The following NOTCH3 variants were observed in gnomAD, a reference collection of about 807,000 sequenced individuals.
NOTCH3 encodes notch receptor 3, also known as neurogenic locus notch homolog protein 3.
In NOTCH3, 86 loss-of-function variants were observed where a neutral mutation model predicts 213.3. That is an observed-to-expected ratio of 0.40 (90% CI 0.34 to 0.48). The LOEUF (loss-of-function observed/expected upper bound fraction) is 0.48, where lower values mean the gene tolerates loss of function less well. Among genes scored for constraint, NOTCH3 ranks in the 20% least tolerant of loss-of-function variants. The pLI, the probability that NOTCH3 is intolerant of heterozygous loss-of-function variation, is 0.57. For synonymous variants in NOTCH3, 1,354 were observed against 1,355.9 expected (o/e 1.00, Z 0.03); for missense variants, 2,783 against 3,272.6 (o/e 0.85, Z 3.65).
chr19:15,185,477 G>C lies in NOTCH3; in HGVS notation c.2144+10C>G. The C allele has an allele frequency of 6.2e-7, 1 of 1,613,000 alleles. No homozygotes were observed. On this transcript the variant is annotated intron_variant, in intron 13 of 32. Transcript: ENST00000263388. The surrounding 1 kb of genome is among the most constrained non-coding windows in gnomAD (Gnocchi z 4.2). The stretch of plus-strand genomic sequence containing the variant: ...AGGGGGCAGTGTCTGAGGCTGAGAA[G>C]GGCCCTCACCCGCCAGGTGCATCAT...
In NOTCH3 at chr19:15,189,283, C is replaced by A. The variant is rs765827443; in HGVS notation, c.1182G>T (p.Glu394Asp). The A allele has an allele frequency of 3.7e-6, 6 of 1,613,980 alleles. No homozygotes were observed. The highest frequency in any genetic ancestry group is 5.1e-6 in the Non-Finnish European group (6 of 1,180,042). ...TGGAGCTCCCCTCACCGATAGAGCA[C>A]TCGTCCACATCCTGGTCACATGCCC... ...TGGACDQDVD[E>D]CSIGANPCEH... The change falls in exon 7 of 33, where the codon GAG becomes GAT. Residue 394 changes from glutamate to aspartate, a missense_variant. Physicochemically the swap from Glu to Asp is conservative, Grantham distance 45 (BLOSUM62 2). Around this residue, in one of 6 missense-constraint regions of NOTCH3, gnomAD observed 708 missense variants for 906.6 expected, o/e 0.78. Transcript: ENST00000263388.
Position 15,187,904 on chromosome 19 carries a change from C to G in NOTCH3, c.1583G>C (p.Gly528Ala). ...ACCCTCGGCACAGCGGCACTCGTAG[C>G]CATCGGGCTGGTCCACGCATTTGGC... ...NGAKCVDQPD[G>A]YECRCAEGFE... Residue 528 changes from glycine to alanine, a missense_variant, in exon 10 of 33, where the codon GGC becomes GCC. This residue lies in a region of NOTCH3 where 708 missense variants were observed against 906.6 expected (regional missense o/e 0.78). Transcript: ENST00000263388. 2 of 1,549,594 alleles carry G rather than the reference C, an allele frequency of 1.3e-6. No homozygotes were observed. Among genetic ancestry groups the G allele is most frequent in the South Asian group, 1.2e-5 (1 of 83,994 alleles).
At chr19:15,173,724 CAAAAA>C (rs1212635746) in intron 25 of NOTCH3, among the ~76,000 whole-genome samples, 23,627 of 131,040 alleles carry the variant, frequency 0.18, 3,564 homozygotes, top group African/African-American at 0.44. Context: ...GACTCCGTCT[CAAAAA>C]AAAAAAAAAA....
At position 15,178,944 on chromosome 19, in the gene NOTCH3, G is replaced by T; in HGVS notation, c.3719-3C>A. 1 of 1,614,008 alleles carries T rather than the reference G, an allele frequency of 6.2e-7. No individual in the cohort carries two copies. Among genetic ancestry groups the T allele is most frequent in the South Asian group, 1.1e-5 (1 of 91,084 alleles). On this transcript the variant is annotated splice_region_variant and splice_polypyrimidine_tract_variant and intron_variant, in intron 22 of 32. Coordinates refer to ENST00000263388, the MANE Select transcript of NOTCH3 (RefSeq NM_000435.3). ...CAGGACAGTCTGACAGCGAGGACCT[G>T]AGCGAGCGGGAGCATGTAGATCAGC... is the stretch of plus-strand genomic sequence containing the variant.
In NOTCH3 at chr19:15,165,077, T is replaced by G. The variant is rs2046674517; in HGVS notation, c.5815+291A>C. Among the ~76,000 whole-genome samples the G allele has an allele frequency of 6.6e-6, 1 of 152,176 alleles. No homozygotes were observed. The highest frequency in any genetic ancestry group is 6.5e-5 in the Admixed American group (1 of 15,284). On this transcript the variant is annotated intron_variant, in intron 31 of 32. Coordinates refer to ENST00000263388, the MANE Select transcript of NOTCH3 (RefSeq NM_000435.3). This position sits in a 1 kb window ranked among gnomAD's most constrained non-coding sequence, Gnocchi z 4.7. ...CAGGCATGAGCCACCACACATGGCC[T>G]GATGTGTACGTTTATTATAATAACT...
chr19:15,187,169 G>A lies in NOTCH3; in HGVS notation c.1776C>T (p.Arg592=). The change falls in exon 11 of 33, where the codon CGC becomes CGT. Residue 592 remains arginine (R), a synonymous_variant. Transcript: ENST00000263388. ...CCAGGTCTAGGCATTTGCCGCCATG[G>A]CGGCAGGGCTGGCTGCGGCATTCGT... ...QVDECRSQPC[R]HGGKCLDLVD... is the part of the protein sequence containing the mutation. 1 of 1,614,118 alleles carries A rather than the reference G, an allele frequency of 6.2e-7. No individual in the cohort carries two copies. Among genetic ancestry groups the A allele is most frequent in the Non-Finnish European group, 8.5e-7 (1 of 1,180,016 alleles).
intron 19 of NOTCH3, 49 bp from the exon 20 acceptor site, chr19:15,180,305 C>T (rs2046828983): frequency 1.3e-6 from 2 of 1,584,138 alleles, no homozygotes; most frequent in African/African-American, 1.3e-5. Context: ...CATACATCCC[C>T]CTTCTGCCTC....
intron 8 of NOTCH3, 67 bp downstream of exon 8, chr19:15,188,922 C>T: frequency 6.7e-7 from 1 of 1,502,676 alleles, no homozygotes; most frequent in Admixed American, 1.9e-5. Context: ...GCTCAGCTCC[C>T]CATCCGCGGG....
chr19:15,177,512 T>C lies in NOTCH3; in HGVS notation c.4403+13A>G, dbSNP rs1055066873. 1 of 1,603,136 alleles carries C rather than the reference T, an allele frequency of 6.2e-7. No homozygotes were observed. Among genetic ancestry groups the C allele is most frequent in the African/African-American group, 1.3e-5 (1 of 74,648 alleles). On this transcript the variant is annotated intron_variant, in intron 24 of 32. Coordinates refer to ENST00000263388, the MANE Select transcript of NOTCH3 (RefSeq NM_000435.3). ...TGCATAGACAGACGGATCGATCGGG[T>C]GGATGGGCTCACTTGCAAGTGCGCT... is the stretch of plus-strand genomic sequence containing the variant.
Position 15,184,917 on chromosome 19 carries a change from T to C in NOTCH3, c.2399A>G (p.Gln800Arg). The C allele has an allele frequency of 6.5e-7, 1 of 1,546,042 alleles. No individual in the cohort carries two copies. The highest frequency in any genetic ancestry group is 1.2e-5 in the South Asian group (1 of 83,832). The change falls in exon 15 of 33, where the codon CAG becomes CGG. Residue 800 changes from glutamine to arginine, a missense_variant. By Grantham distance (43) the Gln-to-Arg change is conservative. Around this residue, in one of 6 missense-constraint regions of NOTCH3, gnomAD observed 861 missense variants for 909.1 expected, o/e 0.95. Coordinates refer to ENST00000263388, the MANE Select transcript of NOTCH3 (RefSeq NM_000435.3). ...AGCAGGTGGCATACCTTGCCAGCCCTGGGGGCAGGAGCAGACAGGCAGCTG... is the reference window on the plus strand; with the variant it reads ...AGCAGGTGGCATACCTTGCCAGCCCCGGGGGCAGGAGCAGACAGGCAGCTG... ...PGQLPVCSCP[Q>R]GWQGPRCQQD...
chr19:15,167,540 T>C, intron 28 of NOTCH3, 129 bp from the exon 29 acceptor site: 1 of 816,008 alleles, frequency 1.2e-6, no homozygotes. Flanking sequence ...TGGGAAATCA[T>C]TTACCATCTG....
Position 15,161,083 on chromosome 19 carries a change from C to T in NOTCH3, c.6545G>A (p.Gly2182Asp), listed in dbSNP as rs1428201050. ...CGCCAGTGGCAGCAGGAACGAGGGGCCTGGAGGGGCAGGTGGGGGCAGCCG... is the reference window on the plus strand; with the variant it reads ...CGCCAGTGGCAGCAGGAACGAGGGGTCTGGAGGGGCAGGTGGGGGCAGCCG... ...WARLPPPAPPGPSFLLPLAPG... is the reference protein window; with the variant it reads ...WARLPPPAPPDPSFLLPLAPG... The change falls in exon 33 of 33, where the codon GGC becomes GAC. Residue 2182 changes from glycine to aspartate, a missense_variant. By Grantham distance (94) the Gly-to-Asp change is moderately conservative. Coordinates refer to ENST00000263388, the MANE Select transcript of NOTCH3 (RefSeq NM_000435.3). 1.9e-6 allele frequency: 3 copies of T among 1,541,882 alleles called. No individual in the cohort carries two copies. Among genetic ancestry groups the T allele is most frequent in the Non-Finnish European group, 2.6e-6 (3 of 1,149,644 alleles).
At position 15,181,709 on chromosome 19, in the gene NOTCH3, C is replaced by G. The variant is rs1333872267; in HGVS notation, c.2659G>C (p.Asp887His). Residue 887 changes from aspartate (D) to histidine (H), a missense_variant, in exon 17 of 33, where the codon GAT becomes CAT. By Grantham distance (81) the Asp-to-His change is moderately conservative. This residue lies in a region of NOTCH3 where 861 missense variants were observed against 909.1 expected (regional missense o/e 0.95). Coordinates refer to ENST00000263388, the MANE Select transcript of NOTCH3 (RefSeq NM_000435.3). ...PGFAGPRCARDVDECLSNPCG... is the reference protein window; with the variant it reads ...PGFAGPRCARHVDECLSNPCG... ...GGGTTGCTCAGGCACTCATCCACAT[C>G]GCGGGCGCATCGTGGGCCGGCGAAA... The G allele has an allele frequency of 2.6e-6, 4 of 1,567,414 alleles. No homozygotes were observed. In the South Asian group the frequency reaches 4.7e-5, roughly 18 times the overall value.
At position 15,159,996 on chromosome 19, in the gene NOTCH3, T is replaced by C. The variant is rs1391130654; in HGVS notation, c.*666A>G. On this transcript the variant is annotated 3_prime_UTR_variant, in exon 33 of 33. Transcript: ENST00000263388. ...CAGCAAGGCTATGGAACATGTCCCA[T>C]CTGGAATGCAGTGAAGTGAGGGAGG... 4.3e-6 allele frequency: 1 copy of C among 233,536 alleles called. No homozygotes were observed. Among genetic ancestry groups the C allele is most frequent in the African/African-American group, 2.2e-5 (1 of 45,322 alleles). The allele number at this position is 233,536 out of a possible 1,614,324, so 14.5% of individuals were successfully genotyped here.
rs940480447 is a variant in NOTCH3 at position 15,174,356 on chromosome 19, C to A, written c.4448G>T (p.Arg1483Leu). The A allele has an allele frequency of 3.2e-6, 5 of 1,545,886 alleles. No individual in the cohort carries two copies. The highest frequency in any genetic ancestry group is 3.5e-6 in the Non-Finnish European group (4 of 1,143,448). The change falls in exon 25 of 33, where the codon CGC (arginine) becomes CTC (leucine). Residue 1483 changes from arginine to leucine, a missense_variant. Physicochemically the swap from Arg to Leu is moderately radical, Grantham distance 102. Transcript: ENST00000263388. The stretch of plus-strand genomic sequence containing the variant: ...CTCCGTGTTGCAGCCCTGGTCGCAG[C>A]GGCCGTCGGCAAAGTGGTCGGCGCA... ...KYCADHFADG[R>L]CDQGCNTEEC...
chr19:15,194,274 G>T (rs2046953166), intron 2 of NOTCH3, among the ~76,000 whole-genome samples: 1 of 152,042 alleles, frequency 6.6e-6, no homozygotes, highest in African/African-American at 2.4e-5. Context: ...CAGCCAAAAG[G>T]AGATTTGGGT....
chr19:15,176,520 A>G, intron 24 of NOTCH3, among the ~76,000 whole-genome samples: 1 of 151,912 alleles, frequency 6.6e-6, no homozygotes. Flanking sequence ...CAGCACTTTG[A>G]GAGGCTAAGC....
chr19:15,179,933 C>G, intron 20 of NOTCH3, 139 bp downstream of exon 20: 2 of 634,176 alleles, frequency 3.2e-6, no homozygotes, highest in Non-Finnish European at 5.6e-6. Context: ...GTGACACCCA[C>G]AGATACACCA....
chr19:15,165,629 G>A lies in NOTCH3; in HGVS notation c.5668-114C>T. ...CCATACCCCAACCCCTGAAATTGGTGAGGTTCAGGGAGCAGCTGCTTGACA... is the reference window on the plus strand; with the variant it reads ...CCATACCCCAACCCCTGAAATTGGTAAGGTTCAGGGAGCAGCTGCTTGACA... On this transcript the variant is annotated intron_variant, in intron 30 of 32. Transcript: ENST00000263388. The surrounding 1 kb of genome is among the most constrained non-coding windows in gnomAD (Gnocchi z 4.7). 8.3e-7 allele frequency: 1 copy of A among 1,200,132 alleles called. No homozygotes were observed. Among genetic ancestry groups the A allele is most frequent in the Non-Finnish European group, 1.2e-6 (1 of 849,554 alleles). 74.3% of individuals were successfully genotyped at this position (1,200,132 alleles called of 1,614,324 possible).
Sources: allele counts gnomAD v4.1 joint callset (sites outside exome capture counted in the v4.1 genomes callset), GRCh38; gene constraint gnomAD v4.1.1; regional missense constraint gnomAD v4.1.1; non-coding constraint Gnocchi (gnomAD v3.1); transcripts MANE v1.5; gene names NCBI Gene and HGNC (gene_info 2026-07-23, HGNC 2026-07-21).